CSMD3: variants seen among roughly 807,000 people sequenced by gnomAD.
CSMD3 encodes the protein CUB and Sushi multiple domains 3, also known as CUB and sushi domain-containing protein 3.
A neutral mutation model predicts 435.2 loss-of-function variants in CSMD3; 177 were observed. That is an observed-to-expected ratio of 0.41 (90% CI 0.36 to 0.46). CSMD3 has a LOEUF of 0.46. Ranked by LOEUF, CSMD3 falls within the 20% of genes least tolerant of loss-of-function variation. The pLI, the probability that CSMD3 is intolerant of heterozygous loss-of-function variation, is 0.34. For synonymous variants in CSMD3, 1,656 were observed against 1,520.5 expected (o/e 1.09, Z -2.07); for missense variants, 4,265 against 4,504.6 (o/e 0.95, Z 1.52).
chr8:113,318,002 G>T (rs74476672), intron 1 of CSMD3, among the ~76,000 whole-genome samples: 1,872 of 152,036 alleles, frequency 0.012, 19 homozygotes, highest in Non-Finnish European at 0.019. Flanking sequence ...CATTTTTATG[G>T]TTATAACGGT....
chr8:113,066,278 C>T (rs1393564377), intron 5 of CSMD3, among the ~76,000 whole-genome samples: 3 of 151,430 alleles, frequency 2.0e-5, no homozygotes, highest in African/African-American at 4.9e-5. Flanking sequence ...AGAACTCTAA[C>T]GTAGAGCACA....
chr8:113,246,569 T>C (rs2093278395), intron 3 of CSMD3, among the ~76,000 whole-genome samples: 1 of 152,142 alleles, frequency 6.6e-6, no homozygotes, highest in Non-Finnish European at 1.5e-5. Flanking sequence ...GTCCAATATC[T>C]GTAATTTGGA....
intron 6 of CSMD3, among the ~76,000 whole-genome samples, chr8:112,988,381 A>G (rs551975560): frequency 6.6e-6 from 1 of 152,178 alleles, no homozygotes. Flanking sequence ...ATATCTCAAT[A>G]GCTTATTTTT....
intron 50 of CSMD3, 49 bp downstream of exon 50, chr8:112,310,929 G>T (rs1368300267): frequency 6.8e-7 from 1 of 1,468,948 alleles, no homozygotes; most frequent in Admixed American, 1.7e-5. Context: ...GTTAAATGGT[G>T]CTAATCTCAC....
At chr8:112,712,459 T>C (rs569652213) in intron 13 of CSMD3, among the ~76,000 whole-genome samples, 47 of 152,158 alleles carry the variant, frequency 3.1e-4, no homozygotes, top group Non-Finnish European at 5.9e-4. Flanking sequence ...ATACACAGGG[T>C]TGGATTTATG....
chr8:112,666,138 C>A (rs140918894), intron 17 of CSMD3, 139 bp downstream of exon 17: 119 of 726,002 alleles, frequency 1.6e-4, no homozygotes, highest in Non-Finnish European at 2.6e-4. Context: ...TAAAAGGGGG[C>A]AAACAGATGG....
intron 3 of CSMD3, among the ~76,000 whole-genome samples, chr8:113,264,138 A>T (rs189139287): frequency 6.6e-6 from 1 of 151,468 alleles, no homozygotes; most frequent in East Asian, 1.9e-4. Flanking sequence ...ATTATTTTTT[A>T]TCAGTTTACT....
intron 10 of CSMD3, among the ~76,000 whole-genome samples, chr8:112,901,539 C>G (rs538703225): frequency 6.6e-6 from 1 of 151,296 alleles, no homozygotes; most frequent in East Asian, 2.0e-4. Flanking sequence ...CATTGTACTG[C>G]TCAAAACTGA....
At chr8:112,370,041 A>AGAAGAAGAAGAG (rs1828208778) in intron 38 of CSMD3, among the ~76,000 whole-genome samples, 1 of 131,514 alleles carries the variant, frequency 7.6e-6, no homozygotes, top group African/African-American at 3.1e-5. Flanking sequence ...AAGAAGAAGA[A>AGAAGAAGAAGAG]GAAGAAGAAG....
chr8:113,057,609 GCACT>G (rs1181747181), intron 5 of CSMD3, among the ~76,000 whole-genome samples: 1 of 151,722 alleles, frequency 6.6e-6, no homozygotes, highest in Non-Finnish European at 1.5e-5. Flanking sequence ...TTCAAAATTA[GCACT>G]CAATGATTTC....
chr8:112,258,866 C>T (rs1255594108), intron 61 of CSMD3, among the ~76,000 whole-genome samples: 1 of 152,036 alleles, frequency 6.6e-6, no homozygotes, highest in Admixed American at 6.5e-5. Flanking sequence ...GGTGAAACCC[C>T]ATCTCTACTA....
At chr8:112,996,893 T>C (rs932715327) in intron 6 of CSMD3, among the ~76,000 whole-genome samples, 8 of 151,800 alleles carry the variant, frequency 5.3e-5, no homozygotes, top group African/African-American at 1.7e-4. Flanking sequence ...GTTAGTTTCT[T>C]ATGGAAGTCT....
rs775707369 is a variant in CSMD3, at chr8:112,573,613, A to G, written c.3930T>C (p.Phe1310=). ...KDKTTHLLGA[F]TGASMRGLTL... is the part of the protein sequence containing the mutation. The stretch of plus-strand genomic sequence containing the variant: ...TCAGTCCGCGCATAGATGCACCAGT[A>G]AAAGCACCTAGTAGATGAGTCGTTT... Residue 1310 remains phenylalanine (F), a synonymous_variant, in exon 24 of 71, where the codon TTT becomes TTC. Transcript: ENST00000297405. 113 of 1,612,884 alleles carry G rather than the reference A, an allele frequency of 7.0e-5. 1 individual carries two copies. The highest frequency in any genetic ancestry group is 3.3e-4 in the Middle Eastern group (2 of 6,076).
chr8:112,832,582 G>A lies in CSMD3; in HGVS notation c.1756-2793C>T, dbSNP rs183480995. ...GGAAAGGCACATTTAGCATGGAGCA[G>A]TGGGTGGCCTTTAGGAGCTGAGGGC... is the stretch of plus-strand genomic sequence containing the variant. On this transcript the variant is annotated intron_variant, in intron 11 of 70. Transcript: ENST00000297405. 2.7e-3 allele frequency among the ~76,000 whole-genome samples: 405 copies of A among 152,236 alleles called. 2 individuals carry two copies. The highest frequency in any genetic ancestry group is 8.3e-3 in the African/African-American group (344 of 41,558).
intron 1 of CSMD3, among the ~76,000 whole-genome samples, chr8:113,420,671 G>A (rs2094604865): frequency 6.6e-6 from 1 of 152,100 alleles, no homozygotes; most frequent in Non-Finnish European, 1.5e-5. Context: ...AATTAGGCCA[G>A]GCGGGGTGGC....
At chr8:113,217,880 G>C (rs921975870) in intron 3 of CSMD3, among the ~76,000 whole-genome samples, 1 of 149,122 alleles carries the variant, frequency 6.7e-6, no homozygotes, top group Non-Finnish European at 1.5e-5. Flanking sequence ...CCTCCAATAG[G>C]ATGAAAAAAA....
rs2130381036 is a variant in CSMD3, at chr8:112,263,662, C to A, written c.9839G>T (p.Ser3280Ile). 1 of 1,613,546 alleles carries A rather than the reference C, an allele frequency of 6.2e-7. No homozygotes were observed. Among genetic ancestry groups the A allele is most frequent in the Non-Finnish European group, 8.5e-7 (1 of 1,179,696 alleles). ...VLTCVGNGTW[S>I]GEVPQCLPKF... ...ACGTAAGCACTGCGGTACTTCACCACTCCAGGTACCATTCCCTACACAGGT... is the reference window on the plus strand; with the variant it reads ...ACGTAAGCACTGCGGTACTTCACCAATCCAGGTACCATTCCCTACACAGGT... Residue 3280 changes from serine to isoleucine, a missense_variant, in exon 61 of 71, where the codon AGT becomes ATT. Ser to Ile is a moderately radical substitution (Grantham distance 142, BLOSUM62 -2). Around this residue, in one of 3 missense-constraint regions of CSMD3, gnomAD observed 3,255 missense variants for 3,380.2 expected, o/e 0.96. Coordinates refer to ENST00000297405, the MANE Select transcript of CSMD3 (RefSeq NM_198123.2).
chr8:113,326,729 G>T (rs2132738588), intron 1 of CSMD3, among the ~76,000 whole-genome samples: 2 of 152,118 alleles, frequency 1.3e-5, no homozygotes, highest in African/African-American at 4.8e-5. Context: ...ATGCCACTGT[G>T]TCCTTCTGAT....
intron 13 of CSMD3, among the ~76,000 whole-genome samples, chr8:112,699,879 T>C (rs1417538657): frequency 4.6e-5 from 7 of 152,066 alleles, no homozygotes; most frequent in Non-Finnish European, 1.0e-4. Context: ...CTCATCCAGA[T>C]TGAAGGAAAT....
Sources: allele counts gnomAD v4.1 joint callset (sites outside exome capture counted in the v4.1 genomes callset), GRCh38; gene constraint gnomAD v4.1.1; regional missense constraint gnomAD v4.1.1; transcripts MANE v1.5; gene names NCBI Gene and HGNC (gene_info 2026-07-23, HGNC 2026-07-21).